The following ARHGAP10 variants were observed in gnomAD, a reference collection of about 807,000 sequenced individuals.
ARHGAP10 encodes the protein rho GTPase-activating protein 10.
A neutral mutation model predicts 108.6 loss-of-function variants in ARHGAP10; 87 were observed. That is an observed-to-expected ratio of 0.80 (90% CI 0.67 to 0.96). The LOEUF (loss-of-function observed/expected upper bound fraction) is 0.96. Among genes scored for constraint, ARHGAP10 ranks in the 40% least tolerant of loss-of-function variants. ARHGAP10 has a pLI of 0.00. For missense variants in ARHGAP10, 939 were observed against 954.5 expected (o/e 0.98, Z 0.21); for synonymous variants, 347 against 341.1 (o/e 1.02, Z -0.19).
chr4:147,995,540 T>C (rs562772007), intron 18 of ARHGAP10, among the ~76,000 whole-genome samples: 246 of 152,336 alleles, frequency 1.6e-3, no homozygotes, highest in African/African-American at 5.6e-3. Flanking sequence ...TGTCTACTTA[T>C]TATTATCTAA....
chr4:147,752,715 C>T (rs190024967), intron 1 of ARHGAP10, among the ~76,000 whole-genome samples: 127 of 152,180 alleles, frequency 8.3e-4, no homozygotes, highest in African/African-American at 2.8e-3. Context: ...TTAGTAGAGA[C>T]GGAGTTTTGC....
intron 1 of ARHGAP10, among the ~76,000 whole-genome samples, chr4:147,804,320 G>T (rs753801980): frequency 2.4e-4 from 36 of 152,114 alleles, no homozygotes; most frequent in African/African-American, 8.5e-4. Context: ...TTGCTGCAAA[G>T]GACATGATGG....
chr4:147,732,811 A>G (rs919919408), intron 1 of ARHGAP10, among the ~76,000 whole-genome samples: 1 of 152,200 alleles, frequency 6.6e-6, no homozygotes, highest in Non-Finnish European at 1.5e-5. Context: ...ATTGCTGCCT[A>G]AAGCTACTCA....
intron 18 of ARHGAP10, among the ~76,000 whole-genome samples, chr4:148,006,081 C>G (rs901473302): frequency 1.3e-5 from 2 of 152,294 alleles, no homozygotes; most frequent in Admixed American, 1.3e-4. Context: ...AGGAGTGACT[C>G]TTAATTAAGG....
At chr4:147,839,134 A>ATCTGTCTGTCTG (rs1213326296) in intron 3 of ARHGAP10, among the ~76,000 whole-genome samples, 6 of 143,924 alleles carry the variant, frequency 4.2e-5, no homozygotes, top group African/African-American at 1.6e-4. Context: ...CTATCTATCT[A>ATCTGTCTGTCTG]TCTATCTATC....
chr4:147,744,942 A>G (rs1169599394), intron 1 of ARHGAP10, among the ~76,000 whole-genome samples: 1 of 152,082 alleles, frequency 6.6e-6, no homozygotes, highest in Non-Finnish European at 1.5e-5. Context: ...TAGAGGGAGA[A>G]GGCAGGGAGA....
At chr4:147,876,808 G>A (rs548027664) in intron 8 of ARHGAP10, among the ~76,000 whole-genome samples, 3 of 152,216 alleles carry the variant, frequency 2.0e-5, no homozygotes, top group South Asian at 2.1e-4. Context: ...TGCTAAATTC[G>A]TATACAACTT....
At chr4:147,767,710 A>G (rs920191025) in intron 1 of ARHGAP10, among the ~76,000 whole-genome samples, 4 of 152,180 alleles carry the variant, frequency 2.6e-5, no homozygotes, top group Non-Finnish European at 5.9e-5. Flanking sequence ...TCTGGGCAAT[A>G]TAATGAGATT....
Position 147,857,271 on chromosome 4 carries a change from GA to G in ARHGAP10, c.385-280del, listed in dbSNP as rs758112612. ...CGGTTGGTGAGGGGTGAGTGACGTG[GA>G]ATTAATTTTTAACATTGCTAAGTCT... On this transcript the variant is annotated intron_variant, in intron 4 of 22. Coordinates refer to ENST00000336498, the MANE Select transcript of ARHGAP10 (RefSeq NM_024605.4). Among the ~76,000 whole-genome samples the G allele has an allele frequency of 3.3e-5, 5 of 152,258 alleles. No homozygotes were observed. The East Asian group carries it at 9.6e-4, about 29-fold the overall frequency.
chr4:147,923,122 TG>T (rs1451884741), intron 13 of ARHGAP10, among the ~76,000 whole-genome samples: 1 of 152,260 alleles, frequency 6.6e-6, no homozygotes, highest in African/African-American at 2.4e-5. Flanking sequence ...TATATGTGGT[TG>T]GAATTGGTAC....
intron 19 of ARHGAP10, among the ~76,000 whole-genome samples, chr4:148,042,241 C>G (rs963301034): frequency 1.3e-5 from 2 of 152,176 alleles, no homozygotes; most frequent in East Asian, 1.9e-4. Flanking sequence ...CACCCTTCAC[C>G]TTTGTTCACT....
intron 1 of ARHGAP10, among the ~76,000 whole-genome samples, chr4:147,770,061 G>A (rs866072485): frequency 3.9e-5 from 6 of 152,310 alleles, no homozygotes; most frequent in Middle Eastern, 3.4e-3. Context: ...ACATAGAGAT[G>A]GAGTGTGTGT....
chr4:148,023,440 T>C (rs1290464679), intron 19 of ARHGAP10, 27 bp downstream of exon 19: 1 of 1,605,426 alleles, frequency 6.2e-7, no homozygotes, highest in East Asian at 2.2e-5. Flanking sequence ...ATTTTTTGCT[T>C]GATAGCATGT....
chr4:148,031,276 G>A (rs1165459959), intron 19 of ARHGAP10, among the ~76,000 whole-genome samples: 1 of 152,186 alleles, frequency 6.6e-6, no homozygotes, highest in Non-Finnish European at 1.5e-5. Flanking sequence ...TCATGCAGGA[G>A]TATGATACAA....
intron 1 of ARHGAP10, among the ~76,000 whole-genome samples, chr4:147,756,248 G>A (rs963230426): frequency 2.1e-4 from 32 of 152,054 alleles, no homozygotes; most frequent in Non-Finnish European, 3.7e-4. Flanking sequence ...GCTCTCCCTA[G>A]CCCCAAGTAA....
At chr4:147,959,350 ACT>A (rs1182195892) in intron 16 of ARHGAP10, among the ~76,000 whole-genome samples, 1 of 151,598 alleles carries the variant, frequency 6.6e-6, no homozygotes, top group South Asian at 2.1e-4. Context: ...AAAGGTTTTG[ACT>A]CTATTTTTCT....
intron 18 of ARHGAP10, among the ~76,000 whole-genome samples, chr4:147,989,193 G>A (rs2149634037): frequency 6.6e-6 from 1 of 152,290 alleles, no homozygotes; most frequent in East Asian, 1.9e-4. Context: ...AAAAGGGGAG[G>A]GAGTATACGA....
At chr4:147,832,327 T>C (rs1732982730) in intron 3 of ARHGAP10, among the ~76,000 whole-genome samples, 1 of 151,676 alleles carries the variant, frequency 6.6e-6, no homozygotes, top group African/African-American at 2.4e-5. Context: ...TAGGGAGACA[T>C]ATTTGACCAC....
At chr4:147,752,877 C>A (rs1729219702) in intron 1 of ARHGAP10, among the ~76,000 whole-genome samples, 1 of 152,210 alleles carries the variant, frequency 6.6e-6, no homozygotes, top group Non-Finnish European at 1.5e-5. Context: ...TGCTGCTTAT[C>A]TCATGCCTGT....
Sources: allele counts gnomAD v4.1 joint callset (sites outside exome capture counted in the v4.1 genomes callset), GRCh38; gene constraint gnomAD v4.1.1; transcripts MANE v1.5; gene names NCBI Gene and HGNC (gene_info 2026-07-23, HGNC 2026-07-21).